SRRM3: variants seen among roughly 807,000 people sequenced by gnomAD.
SRRM3 encodes the protein serine/arginine repetitive matrix protein 3.
In SRRM3, 27 loss-of-function variants were observed where a neutral mutation model predicts 66.2. The observed-to-expected ratio is 0.41, with a 90% CI of 0.30 to 0.56. The LOEUF is 0.56. Among genes scored for constraint, SRRM3 ranks in the 20% least tolerant of loss-of-function variants. The pLI is 0.32. For missense variants in SRRM3, 918 were observed against 991.9 expected (o/e 0.93, Z 1.00); for synonymous variants, 391 against 414.9 (o/e 0.94, Z 0.70).
At chr7:76,211,489 T>A (rs1442764571) in intron 1 of SRRM3, among the ~76,000 whole-genome samples, 1 of 152,082 alleles carries the variant, frequency 6.6e-6, no homozygotes, top group African/African-American at 2.4e-5. Flanking sequence ...ACGCCAGGAA[T>A]GTTCCCAGTA....
At chr7:76,219,004 G>A (rs1800645442) in intron 1 of SRRM3, among the ~76,000 whole-genome samples, 1 of 152,156 alleles carries the variant, frequency 6.6e-6, no homozygotes, top group Admixed American at 6.5e-5. Context: ...ACAGGCACCA[G>A]CCACCATGCC....
chr7:76,269,784 A>T (rs1583932049), intron 11 of SRRM3: 1 of 147,318 alleles, frequency 6.8e-6, no homozygotes. Context: ...TTTAATGTAC[A>T]GAAATGCAAA....
chr7:76,265,577 G>A (rs991604900), intron 10 of SRRM3, 109 bp downstream of exon 10: 27 of 863,852 alleles, frequency 3.1e-5, no homozygotes, highest in African/African-American at 5.2e-5. Context: ...TCAATTCATC[G>A]GTGGGTAGAA....
chr7:76,243,297 C>A (rs1801355181), intron 2 of SRRM3, among the ~76,000 whole-genome samples: 1 of 152,078 alleles, frequency 6.6e-6, no homozygotes, highest in African/African-American at 2.4e-5. Flanking sequence ...TCATCACTGT[C>A]CCAAGTGGCT....
At chr7:76,244,543 A>T (rs1295082807) in intron 2 of SRRM3, among the ~76,000 whole-genome samples, 3 of 123,074 alleles carry the variant, frequency 2.4e-5, no homozygotes, top group African/African-American at 6.0e-5. Flanking sequence ...AAAAAAAAAA[A>T]GTTGAAGAAG....
At chr7:76,208,770 A>G (rs563798078) in intron 1 of SRRM3, among the ~76,000 whole-genome samples, 29 of 149,078 alleles carry the variant, frequency 1.9e-4, no homozygotes, top group African/African-American at 7.2e-4. Context: ...GGGAGGTGGA[A>G]ATTGCAGTGA....
chr7:76,273,124 T>C (rs1158928745), intron 11 of SRRM3: 1 of 152,542 alleles, frequency 6.6e-6, no homozygotes, highest in Non-Finnish European at 1.5e-5. Flanking sequence ...ATTGTTTCTG[T>C]CTTTCTGTTT....
chr7:76,259,640 C>T (rs1242675340), intron 3 of SRRM3, among the ~76,000 whole-genome samples: 2 of 151,152 alleles, frequency 1.3e-5, no homozygotes, highest in Admixed American at 6.6e-5. Flanking sequence ...AGAAGGGGTG[C>T]GGGCTAAATA....
chr7:76,227,320 T>A (rs1260645292), intron 1 of SRRM3, among the ~76,000 whole-genome samples: 1 of 152,326 alleles, frequency 6.6e-6, no homozygotes, highest in South Asian at 2.1e-4. Flanking sequence ...AGACTCCATA[T>A]CTGCCTGCTT....
chr7:76,285,507 GT>G lies in SRRM3; in HGVS notation c.1734-107del, dbSNP rs1409587428. On this transcript the variant is annotated intron_variant, in intron 14 of 14. Coordinates refer to ENST00000611745, the MANE Select transcript of SRRM3 (RefSeq NM_001110199.3). The surrounding 1 kb of genome is among the most constrained non-coding windows in gnomAD (Gnocchi z 4.1). The stretch of plus-strand genomic sequence containing the variant: ...CAGATTCCATTTGGAGAAGGCAGGT[GT>G]CTCTAAGGCCAGGGCTCAGGGGAAA... 1.2e-6 allele frequency: 1 copy of G among 808,684 alleles called. No individual in the cohort carries two copies. The highest frequency in any genetic ancestry group is 1.9e-6 in the Non-Finnish European group (1 of 513,634). The allele number at this position is 808,684 out of a possible 1,614,324, so 50.1% of individuals were successfully genotyped here.
At chr7:76,231,304 C>T (rs1245347820) in intron 1 of SRRM3, among the ~76,000 whole-genome samples, 1 of 152,196 alleles carries the variant, frequency 6.6e-6, no homozygotes. Flanking sequence ...TCTGCCACGC[C>T]CCTCTTCACA....
intron 2 of SRRM3, among the ~76,000 whole-genome samples, chr7:76,247,200 G>A (rs1239189545): frequency 6.6e-6 from 1 of 152,114 alleles, no homozygotes; most frequent in African/African-American, 2.4e-5. Context: ...ACCGGACTTT[G>A]GTCCCTAAAC....
intron 11 of SRRM3, among the ~76,000 whole-genome samples, chr7:76,277,265 TG>T (rs531977606): frequency 3.9e-5 from 6 of 152,310 alleles, no homozygotes; most frequent in Middle Eastern, 3.4e-3. Flanking sequence ...AGACCCTTTT[TG>T]CTCCTAACAC....
chr7:76,221,056 C>CT lies in SRRM3; in HGVS notation c.-39-13954dup, dbSNP rs561559244. On this transcript the variant is annotated intron_variant, in intron 1 of 14. Transcript: ENST00000611745. ...CTCCCTGCAGTGTCTTCTTACCCGT[C>CT]TTTTTTTTTTTTTTTTTTCCAGACA... Among the ~76,000 whole-genome samples the CT allele has an allele frequency of 3.2e-3, 441 of 138,146 alleles. 3 individuals are homozygous for CT. Among genetic ancestry groups the CT allele is most frequent in the African/African-American group, 6.5e-3 (247 of 37,864 alleles). The allele number at this position is 138,146 out of a possible 152,430, so 90.6% of individuals were successfully genotyped here.
chr7:76,240,081 G>A (rs1801245946), intron 2 of SRRM3, among the ~76,000 whole-genome samples: 1 of 152,026 alleles, frequency 6.6e-6, no homozygotes, highest in African/African-American at 2.4e-5. Context: ...CAGGAGAATC[G>A]CTTGAACCCA....
chr7:76,283,845 G>A, intron 14 of SRRM3: 1 of 985,306 alleles, frequency 1.0e-6, no homozygotes, highest in Non-Finnish European at 1.2e-6. Flanking sequence ...TGACATTATG[G>A]TCTGCCTTTG....
chr7:76,229,762 GA>G (rs1800967070), intron 1 of SRRM3, among the ~76,000 whole-genome samples: 1 of 33,728 alleles, frequency 3.0e-5, no homozygotes, highest in African/African-American at 1.1e-4. Context: ...TTTTTTTTTT[GA>G]GACGGAGTCT....
intron 1 of SRRM3, among the ~76,000 whole-genome samples, chr7:76,215,964 A>C: frequency 7.3e-6 from 1 of 137,484 alleles, no homozygotes; most frequent in East Asian, 2.1e-4. Flanking sequence ...CGCCCAGCTA[A>C]TTTTTTTTTT....
intron 3 of SRRM3, among the ~76,000 whole-genome samples, chr7:76,251,113 T>C (rs1801570353): frequency 6.6e-6 from 1 of 151,964 alleles, no homozygotes; most frequent in South Asian, 2.1e-4. Flanking sequence ...GCCGGCAGTC[T>C]CTACCCAGGG....
Sources: gnomAD v4.1 joint callset for allele counts (sites outside exome capture counted in the v4.1 genomes callset) on GRCh38, gnomAD v4.1.1 for gene constraint, Gnocchi (gnomAD v3.1) non-coding constraint, MANE v1.5 for transcripts, NCBI Gene and HGNC (gene_info 2026-07-23, HGNC 2026-07-21) for gene names.